DCX: variants seen among roughly 807,000 people sequenced by gnomAD.
DCX encodes doublecortin.
A neutral mutation model predicts 20.9 loss-of-function variants in DCX; 4 were observed. The observed-to-expected ratio is 0.19, with a 90% confidence interval of 0.09 to 0.44. DCX has a LOEUF of 0.44. Ranked by LOEUF, DCX falls within the 20% of genes least tolerant of loss-of-function variation. The pLI is 0.99. For missense variants in DCX, 133 were observed against 296.9 expected, an observed-to-expected ratio of 0.45 and a Z score of 4.06; for synonymous variants, 103 against 111.4, an observed-to-expected ratio of 0.92 and a Z score of 0.47.
chrX:111,301,856 T>A, intron 6 of DCX, 113 bp from the exon 7 acceptor site: 1 of 711,765 alleles, frequency 1.4e-6, no homozygotes, highest in Non-Finnish European at 2.1e-6. Context: ...ATAATAATTA[T>A]AGATTCACAG....
chrX:111,352,767 A>G (rs1923415750), intron 3 of DCX, among the ~76,000 whole-genome samples: 1 of 110,308 alleles, frequency 9.1e-6, no homozygotes, highest in Non-Finnish European at 1.9e-5. Flanking sequence ...AAACAACTCA[A>G]TGAACTATCA....
intron 3 of DCX, among the ~76,000 whole-genome samples, chrX:111,383,507 T>A (rs1265802000): frequency 1.8e-5 from 2 of 111,788 alleles, no homozygotes; most frequent in Non-Finnish European, 3.8e-5. Flanking sequence ...TACCAATTAG[T>A]ATTTTCTGAT....
At chrX:111,391,921 C>T (rs1926982951) in intron 3 of DCX, among the ~76,000 whole-genome samples, 3 of 111,438 alleles carry the variant, frequency 2.7e-5, no homozygotes, top group African/African-American at 9.8e-5. Flanking sequence ...TTTTTCTGTT[C>T]CTTTTTCAAA....
chrX:111,389,515 G>C (rs1237729396), intron 3 of DCX, among the ~76,000 whole-genome samples: 1 of 111,123 alleles, frequency 9.0e-6, no homozygotes, highest in East Asian at 2.9e-4. Flanking sequence ...TTCTCCTTCT[G>C]GAGTCTCCAC....
chrX:111,340,427 A>G (rs754539869), intron 3 of DCX, among the ~76,000 whole-genome samples: 1 of 112,465 alleles, frequency 8.9e-6, no homozygotes, highest in Non-Finnish European at 1.9e-5. Context: ...GTAGACCAGC[A>G]GACTTAGCCT....
At chrX:111,308,156 G>T (rs2095049749) in intron 6 of DCX, among the ~76,000 whole-genome samples, 1 of 112,246 alleles carries the variant, frequency 8.9e-6, no homozygotes, top group Non-Finnish European at 1.9e-5. Context: ...CACACATATT[G>T]CTTAGCAATA....
chrX:111,316,219 C>T (rs1489753509), intron 5 of DCX, among the ~76,000 whole-genome samples: 1 of 109,821 alleles, frequency 9.1e-6, no homozygotes, highest in African/African-American at 3.3e-5. Flanking sequence ...CCTCTCTCAC[C>T]ACTCCCTTTT....
intron 3 of DCX, among the ~76,000 whole-genome samples, chrX:111,383,342 C>T (rs1023983777): frequency 1.8e-5 from 2 of 111,525 alleles, no homozygotes; most frequent in African/African-American, 3.3e-5. Context: ...TATTCATTTG[C>T]CAAAATTTTA....
Position 111,301,550 on chromosome X carries a change from G to A in DCX, c.*137C>T. 1.6e-6 allele frequency: 1 copy of A among 643,744 alleles called. No individual in the cohort carries two copies. Among genetic ancestry groups the A allele is most frequent in the Non-Finnish European group, 2.6e-6 (1 of 380,195 alleles). The allele number at this position is 643,744 out of a possible 1,213,427, so 53.1% of individuals were successfully genotyped here. On this transcript the variant is annotated 3_prime_UTR_variant, in exon 7 of 7. Coordinates refer to ENST00000636035, the MANE Select transcript of DCX (RefSeq NM_001195553.2). ...GAAAATAAACCCAACATATTACAAT[G>A]TGTTTTTCAAAATAACAACAACAAC...
At chrX:111,358,181 A>G (rs1923911274) in intron 3 of DCX, among the ~76,000 whole-genome samples, 1 of 112,309 alleles carries the variant, frequency 8.9e-6, no homozygotes, top group Admixed American at 9.4e-5. Flanking sequence ...ATTGCAAAAA[A>G]CAATTTTAAA....
intron 6 of DCX, among the ~76,000 whole-genome samples, chrX:111,305,474 A>C (rs1437534124): frequency 2.7e-5 from 3 of 111,409 alleles, no homozygotes; most frequent in African/African-American, 9.8e-5. Context: ...TATTACCTAT[A>C]GTCCTCATAT....
chrX:111,305,812 CAG>C lies in DCX; in HGVS notation c.1045-4071_1045-4070del, dbSNP rs200908653. On this transcript the variant is annotated intron_variant, in intron 6 of 6. Coordinates refer to ENST00000636035, the MANE Select transcript of DCX (RefSeq NM_001195553.2). Reference sequence around the variant, plus strand: ...GGAGAAAAAAGGAGTGGGAAAGAAACAGAGCTATGCTATGGCAAAATTTTTAT... The same window carrying C: ...GGAGAAAAAAGGAGTGGGAAAGAAACAGCTATGCTATGGCAAAATTTTTAT... Among the ~76,000 whole-genome samples the C allele has an allele frequency of 9.7e-4, 107 of 110,583 alleles. No individual in the cohort carries two copies. In the East Asian group the frequency reaches 0.012, roughly 13 times the overall value.
intron 3 of DCX, among the ~76,000 whole-genome samples, chrX:111,359,714 T>C (rs1264812432): frequency 8.9e-6 from 1 of 112,022 alleles, no homozygotes; most frequent in African/African-American, 3.2e-5. Context: ...AAATAGGCAG[T>C]TAATTACTTA....
chrX:111,311,404 T>C (rs759006059), intron 6 of DCX, among the ~76,000 whole-genome samples: 12 of 111,801 alleles, frequency 1.1e-4, no homozygotes, highest in African/African-American at 3.9e-4. Context: ...AAAATGAAAA[T>C]GGATGTCGGG....
At chrX:111,332,918 G>A (rs1921383609) in intron 4 of DCX, 133 bp downstream of exon 4, 1 of 532,885 alleles carries the variant, frequency 1.9e-6, no homozygotes, top group African/African-American at 2.3e-5. Context: ...CAAATATACA[G>A]GAGAAAGACC....
At chrX:111,352,403 G>C (rs1201687735) in intron 3 of DCX, among the ~76,000 whole-genome samples, 1 of 112,187 alleles carries the variant, frequency 8.9e-6, no homozygotes, top group Non-Finnish European at 1.9e-5. Context: ...ATCTCAGCAG[G>C]CTTCTGGGCT....
rs188900966 is a variant in DCX at position 111,306,712 on chromosome X, C to A, written c.1045-4969G>T. Among the ~76,000 whole-genome samples, 332 of 111,181 alleles carry A rather than the reference C, an allele frequency of 3.0e-3. 3 individuals carry two copies. The highest frequency in any genetic ancestry group is 0.01 in the African/African-American group (320 of 30,659). ...TAAATTTAGAGGGATTTAAATGATA[C>A]AAATTATATTATTTGGCCACAGTGG... On this transcript the variant is annotated intron_variant, in intron 6 of 6. Coordinates refer to ENST00000636035, the MANE Select transcript of DCX (RefSeq NM_001195553.2).
chrX:111,306,328 C>T (rs184299991), intron 6 of DCX, among the ~76,000 whole-genome samples: 2 of 111,564 alleles, frequency 1.8e-5, no homozygotes, highest in African/African-American at 6.5e-5. Flanking sequence ...AAAATTATTA[C>T]TAGAGACAAA....
At chrX:111,381,352 C>T (rs961928926) in intron 3 of DCX, among the ~76,000 whole-genome samples, 1 of 109,955 alleles carries the variant, frequency 9.1e-6, no homozygotes, top group African/African-American at 3.3e-5. Context: ...AATGAAAGTA[C>T]TAGTGTAGTA....
Sources: gnomAD v4.1 joint callset for allele counts (sites outside exome capture counted in the v4.1 genomes callset) on GRCh38, gnomAD v4.1.1 for gene constraint, MANE v1.5 for transcripts, NCBI Gene and HGNC (gene_info 2026-07-23, HGNC 2026-07-21) for gene names.